Variants in FAM89A observed in about 807,000 individuals in gnomAD.
The protein encoded by FAM89A is family with sequence similarity 89 member A, also known as protein FAM89A.
A neutral mutation model predicts 7.1 loss-of-function variants in FAM89A; 10 were observed. The observed-to-expected ratio is 1.40, with a 90% CI of 0.86 to 2.38. The LOEUF (loss-of-function observed/expected upper bound fraction) is 2.38. FAM89A is among the 30% of genes most tolerant of loss of function. The pLI is 0.00. For synonymous variants in FAM89A, 157 were observed against 129.3 expected (o/e 1.21, Z -1.45); for missense variants, 276 against 262.8 (o/e 1.05, Z -0.35).
At chr1:231,034,055 G>C (rs530673202) in intron 1 of FAM89A, among the ~76,000 whole-genome samples, 1 of 152,130 alleles carries the variant, frequency 6.6e-6, no homozygotes, top group Non-Finnish European at 1.5e-5. Context: ...CTTAATAACT[G>C]GTGTAGACAG....
At chr1:231,022,436 T>C (rs1180762534) in intron 1 of FAM89A, among the ~76,000 whole-genome samples, 1 of 152,216 alleles carries the variant, frequency 6.6e-6, no homozygotes, top group Non-Finnish European at 1.5e-5. Context: ...TCAGGCACAC[T>C]GGGAATCGTG....
At chr1:231,023,115 T>C (rs1035114690) in intron 1 of FAM89A, among the ~76,000 whole-genome samples, 3 of 150,960 alleles carry the variant, frequency 2.0e-5, no homozygotes, top group African/African-American at 7.3e-5. Context: ...GCAGTAATTG[T>C]GGCCTTATCA....
At chr1:231,024,520 GCACACA>G (rs3220109) in intron 1 of FAM89A, among the ~76,000 whole-genome samples, 7,593 of 144,506 alleles carry the variant, frequency 0.053, 390 homozygotes, top group African/African-American at 0.14. Context: ...TACATTGCAT[GCACACA>G]CACACACACA....
intron 1 of FAM89A, among the ~76,000 whole-genome samples, chr1:231,036,525 C>A (rs569975571): frequency 6.6e-6 from 1 of 151,928 alleles, no homozygotes; most frequent in African/African-American, 2.4e-5. Context: ...GGGGAGGGGA[C>A]GAGGACTTAC....
Position 231,039,990 on chromosome 1 carries a change from G to T in FAM89A, c.222C>A (p.Ala74=). 2 of 1,383,836 alleles carry T rather than the reference G, an allele frequency of 1.4e-6. No homozygotes were observed. The highest frequency in any genetic ancestry group is 1.9e-6 in the Non-Finnish European group (2 of 1,075,766). 85.7% of individuals were successfully genotyped at this position (1,383,836 alleles called of 1,614,324 possible). The change falls in exon 1 of 2, where the codon GCC becomes GCA. Residue 74 remains alanine, a synonymous_variant. Coordinates refer to ENST00000366654, the MANE Select transcript of FAM89A (RefSeq NM_198552.3). ...GCTTGGCGGGCAGCGCTGCCGCCCG[G>T]GCCCCGCCGCCGCCCGGGCCCCCGC... The part of the protein sequence containing the change: ...LSRGGPGGGG[A]RAAALPAKPP...
intron 1 of FAM89A, among the ~76,000 whole-genome samples, chr1:231,036,667 T>G (rs907726923): frequency 2.6e-5 from 4 of 151,974 alleles, no homozygotes; most frequent in African/African-American, 7.2e-5. Flanking sequence ...GGGCTCCAGC[T>G]CTCCCAGCCT....
chr1:231,026,424 A>G (rs1042270617), intron 1 of FAM89A: 3 of 152,228 alleles, frequency 2.0e-5, no homozygotes, highest in East Asian at 3.9e-4. Flanking sequence ...CTTCCAAACC[A>G]CTGCACTCCT....
chr1:231,039,324 CTGAGG>C (rs1467306948), intron 1 of FAM89A, among the ~76,000 whole-genome samples: 1 of 152,210 alleles, frequency 6.6e-6, no homozygotes, highest in Admixed American at 6.5e-5. Context: ...CTTCGCGGGG[CTGAGG>C]GACCCGGCCG....
At chr1:231,024,519 T>TACACACACACACACACACACAC (rs1558254461) in intron 1 of FAM89A, among the ~76,000 whole-genome samples, 6 of 41,610 alleles carry the variant, frequency 1.4e-4, no homozygotes, top group African/African-American at 4.9e-4. Context: ...TTACATTGCA[T>TACACACACACACACACACACAC]GCACACACAC....
At chr1:231,027,120 A>G (rs1679988579) in intron 1 of FAM89A, among the ~76,000 whole-genome samples, 2 of 152,162 alleles carry the variant, frequency 1.3e-5, no homozygotes, top group Non-Finnish European at 2.9e-5. Flanking sequence ...GAACGCTTCT[A>G]GGTTTCAAAG....
At chr1:231,030,920 G>A (rs925022604) in intron 1 of FAM89A, among the ~76,000 whole-genome samples, 8 of 152,098 alleles carry the variant, frequency 5.3e-5, no homozygotes, top group African/African-American at 1.7e-4. Flanking sequence ...GACCAGCCTG[G>A]ACAACATGGC....
intron 1 of FAM89A, chr1:231,026,071 T>TAAA (rs35151430): frequency 0.011 from 1,510 of 138,540 alleles, 24 homozygotes; most frequent in Admixed American, 0.038. Context: ...GCTCAGCTCC[T>TAAA]AAAAAAAAAA....
At position 231,019,913 on chromosome 1, in the gene FAM89A, G is replaced by A. The variant is rs1052987279; in HGVS notation, c.505C>T (p.Leu169=). 2 of 1,614,116 alleles carry A rather than the reference G, an allele frequency of 1.2e-6. No homozygotes were observed. The highest frequency in any genetic ancestry group is 1.7e-6 in the Non-Finnish European group (2 of 1,180,062). Residue 169 remains leucine, a synonymous_variant, in exon 2 of 2, where the codon CTG becomes TTG. Transcript: ENST00000366654. ...CTGCTGGAGAGGGAGGAGACAGGCA[G>A]TGACAAGTCCCGAGGAGGGCCTCGG... ...RDRGPPRDLS[L]PVSSLSSSDW...
intron 1 of FAM89A, among the ~76,000 whole-genome samples, chr1:231,035,724 T>G (rs1385608206): frequency 6.6e-6 from 1 of 152,206 alleles, no homozygotes; most frequent in Non-Finnish European, 1.5e-5. Context: ...AGCCATCAGC[T>G]TAGCAGATAA....
At chr1:231,021,250 G>C (rs537527703) in intron 1 of FAM89A, among the ~76,000 whole-genome samples, 2 of 152,354 alleles carry the variant, frequency 1.3e-5, no homozygotes, top group East Asian at 3.9e-4. Context: ...TCCGTGCCTT[G>C]GTTGATGGCA....
rs950009725 is a variant in FAM89A at position 231,020,237 on chromosome 1, C to T, written c.292-111G>A. ...CTGCCAGCACATTCCTTCCACACGGCGCATGATTCAGAGCATCACTCGGAT... is the reference window on the plus strand; with the variant it reads ...CTGCCAGCACATTCCTTCCACACGGTGCATGATTCAGAGCATCACTCGGAT... On this transcript the variant is annotated intron_variant, in intron 1 of 1. Coordinates refer to ENST00000366654, the MANE Select transcript of FAM89A (RefSeq NM_198552.3). 31 of 1,143,160 alleles carry T rather than the reference C, an allele frequency of 2.7e-5. 1 individual carries two copies. The highest frequency in any genetic ancestry group is 4.8e-5 in the South Asian group (3 of 62,472). The allele number at this position is 1,143,160 out of a possible 1,614,324, so 70.8% of individuals were successfully genotyped here.
At chr1:231,027,050 A>T (rs1679987832) in intron 1 of FAM89A, 1 of 152,236 alleles carries the variant, frequency 6.6e-6, no homozygotes, top group Non-Finnish European at 1.5e-5. Flanking sequence ...GTATCAGAGC[A>T]GGTCTGCTTT....
intron 1 of FAM89A, among the ~76,000 whole-genome samples, chr1:231,022,403 G>C (rs1440022009): frequency 6.6e-6 from 1 of 152,212 alleles, no homozygotes; most frequent in Admixed American, 6.5e-5. Context: ...GGGTGGTCCA[G>C]TTCTAGAGTG....
At chr1:231,029,921 A>T (rs940033567) in intron 1 of FAM89A, among the ~76,000 whole-genome samples, 2 of 152,230 alleles carry the variant, frequency 1.3e-5, no homozygotes, top group African/African-American at 4.8e-5. Flanking sequence ...CCAATCGATT[A>T]TAACCTGATT....
Sources: gnomAD v4.1 joint callset for allele counts (sites outside exome capture counted in the v4.1 genomes callset) on GRCh38, gnomAD v4.1.1 for gene constraint, MANE v1.5 for transcripts, NCBI Gene and HGNC (gene_info 2026-07-23, HGNC 2026-07-21) for gene names.